The following MAGI2 variants were observed in gnomAD, a reference collection of about 807,000 sequenced individuals.
MAGI2 encodes membrane-associated guanylate kinase, WW and PDZ domain-containing protein 2.
In MAGI2, 35 loss-of-function variants were observed where a neutral mutation model predicts 133.3. The ratio of observed to expected loss-of-function variants is 0.26; its 90% CI spans 0.20 to 0.35. MAGI2 has a LOEUF of 0.35. MAGI2 is among the 10% of genes least tolerant of loss of function. MAGI2 has a pLI of 1.00. For synonymous variants in MAGI2, 729 were observed against 710.6 expected, an observed-to-expected ratio of 1.03 and a Z score of -0.41; for missense variants, 1,636 against 1,863.4, an observed-to-expected ratio of 0.88 and a Z score of 2.25.
chr7:78,764,144 A>G (rs1824780718), intron 2 of MAGI2, among the ~76,000 whole-genome samples: 1 of 152,220 alleles, frequency 6.6e-6, no homozygotes, highest in African/African-American at 2.4e-5. Flanking sequence ...GCTGACTGTA[A>G]TGAAATGGAA....
chr7:78,495,113 C>G (rs901165648), intron 5 of MAGI2, among the ~76,000 whole-genome samples: 1 of 152,110 alleles, frequency 6.6e-6, no homozygotes, highest in Non-Finnish European at 1.5e-5. Flanking sequence ...TTTACGTTTA[C>G]AAAACACTTT....
chr7:78,857,387 G>T (rs1312231551), intron 2 of MAGI2, among the ~76,000 whole-genome samples: 1 of 152,134 alleles, frequency 6.6e-6, no homozygotes, highest in Non-Finnish European at 1.5e-5. Context: ...TTGGCTGTGG[G>T]TTTGTCATAG....
intron 2 of MAGI2, among the ~76,000 whole-genome samples, chr7:78,791,866 G>A (rs1347135886): frequency 2.6e-5 from 4 of 152,132 alleles, no homozygotes; most frequent in Non-Finnish European, 5.9e-5. Context: ...CAATCTTGAT[G>A]TGCAAACACA....
chr7:78,386,025 T>C (rs1795357768), intron 6 of MAGI2, among the ~76,000 whole-genome samples: 1 of 152,112 alleles, frequency 6.6e-6, no homozygotes, highest in Non-Finnish European at 1.5e-5. Flanking sequence ...GTGGGCAGGA[T>C]ATTTATTCCA....
At chr7:79,452,902 C>G in intron 1 of MAGI2, 118 bp downstream of exon 1, 7 of 1,145,464 alleles carry the variant, frequency 6.1e-6, no homozygotes, top group Non-Finnish European at 8.5e-6. Flanking sequence ...TGCTCTCTGG[C>G]CCCCACCCCA....
At chr7:78,655,163 A>G (rs1031699210) in intron 2 of MAGI2, among the ~76,000 whole-genome samples, 1 of 151,994 alleles carries the variant, frequency 6.6e-6, no homozygotes, top group Admixed American at 6.6e-5. Context: ...TAAAAATGCC[A>G]TTCAGGCAGA....
intron 6 of MAGI2, among the ~76,000 whole-genome samples, chr7:78,450,774 G>A (rs2151482435): frequency 6.6e-6 from 1 of 152,178 alleles, no homozygotes; most frequent in Admixed American, 6.5e-5. Flanking sequence ...CAGGGATGTG[G>A]AACTAAGGTC....
At chr7:78,225,768 G>A (rs1039920956) in intron 10 of MAGI2, among the ~76,000 whole-genome samples, 4 of 152,220 alleles carry the variant, frequency 2.6e-5, no homozygotes, top group Non-Finnish European at 4.4e-5. Flanking sequence ...ACAGCATTCT[G>A]CGCATGGGCT....
At chr7:78,385,239 G>C (rs960826183) in intron 6 of MAGI2, among the ~76,000 whole-genome samples, 2 of 152,202 alleles carry the variant, frequency 1.3e-5, no homozygotes, top group African/African-American at 4.8e-5. Flanking sequence ...CGTGATTTGG[G>C]TGGAAAAGGA....
intron 1 of MAGI2, among the ~76,000 whole-genome samples, chr7:79,122,811 C>A (rs563358753): frequency 3.9e-5 from 6 of 152,138 alleles, no homozygotes; most frequent in African/African-American, 1.4e-4. Flanking sequence ...CCTGCCTCAC[C>A]CTCTCAAGTA....
chr7:78,684,240 A>AT lies in MAGI2; in HGVS notation c.419-57002dup, dbSNP rs376408061. ...TTTCATCTTATAAACTAGGCCTTGT[A>AT]TTTTTTTAAAGCACATTAATTACTA... On this transcript the variant is annotated intron_variant, in intron 2 of 21. Coordinates refer to ENST00000354212, the MANE Select transcript of MAGI2 (RefSeq NM_012301.4). Among the ~76,000 whole-genome samples, 684 of 152,272 alleles carry AT rather than the reference A, an allele frequency of 4.5e-3. 6 individuals are homozygous for AT. The highest frequency in any genetic ancestry group is 7.9e-3 in the Non-Finnish European group (539 of 68,024).
At chr7:79,197,924 T>C (rs1306153574) in intron 1 of MAGI2, among the ~76,000 whole-genome samples, 3 of 152,028 alleles carry the variant, frequency 2.0e-5, no homozygotes, top group East Asian at 3.9e-4. Context: ...CATTTCAACA[T>C]GAATTTTGGA....
intron 1 of MAGI2, among the ~76,000 whole-genome samples, chr7:79,197,134 C>T (rs887201147): frequency 3.3e-5 from 5 of 151,772 alleles, no homozygotes; most frequent in Non-Finnish European, 5.9e-5. Flanking sequence ...GATTCATTTC[C>T]TTCTTTTTCC....
chr7:79,023,708 C>A (rs1273309226), intron 1 of MAGI2, among the ~76,000 whole-genome samples: 2 of 152,022 alleles, frequency 1.3e-5, no homozygotes, highest in African/African-American at 4.8e-5. Context: ...AGCTGAGAGC[C>A]AAATTGAGAC....
At chr7:78,302,275 T>C (rs539105674) in intron 9 of MAGI2, among the ~76,000 whole-genome samples, 3 of 152,342 alleles carry the variant, frequency 2.0e-5, no homozygotes, top group South Asian at 2.1e-4. Context: ...AAAAGTTCCA[T>C]ATAAATGCCT....
intron 1 of MAGI2, among the ~76,000 whole-genome samples, chr7:79,059,595 C>T (rs1776042796): frequency 6.6e-6 from 1 of 151,962 alleles, no homozygotes; most frequent in Admixed American, 6.6e-5. Flanking sequence ...TTTAAGTTGA[C>T]CATAGCATTA....
chr7:78,696,382 C>T (rs1454599808), intron 2 of MAGI2, among the ~76,000 whole-genome samples: 1 of 152,142 alleles, frequency 6.6e-6, no homozygotes, highest in African/African-American at 2.4e-5. Context: ...TGTAGCCTAA[C>T]CCTCCTACTG....
At chr7:78,339,757 G>A (rs1339333614) in intron 9 of MAGI2, among the ~76,000 whole-genome samples, 2 of 152,190 alleles carry the variant, frequency 1.3e-5, no homozygotes, top group Non-Finnish European at 1.5e-5. Flanking sequence ...ATGAATGGCA[G>A]AGTTGGACAC....
At chr7:78,662,434 T>C (rs1210782340) in intron 2 of MAGI2, among the ~76,000 whole-genome samples, 1 of 152,232 alleles carries the variant, frequency 6.6e-6, no homozygotes, top group African/African-American at 2.4e-5. Flanking sequence ...CCTTAAGGTC[T>C]ATATAAATTC....
Sources: gnomAD v4.1 joint callset for allele counts (sites outside exome capture counted in the v4.1 genomes callset) on GRCh38, gnomAD v4.1.1 for gene constraint, MANE v1.5 for transcripts, NCBI Gene and HGNC (gene_info 2026-07-23, HGNC 2026-07-21) for gene names.